PDZK1: variants seen among roughly 807,000 people sequenced by gnomAD.
The protein encoded by PDZK1 is Na(+)/H(+) exchange regulatory cofactor NHE-RF3.
In PDZK1, 23 loss-of-function variants were observed where a neutral mutation model predicts 38.1. The observed-to-expected ratio is 0.60, with a 90% CI of 0.43 to 0.85. PDZK1 has a LOEUF of 0.85. PDZK1 is among the 40% of genes least tolerant of loss of function. The pLI is 0.00. For synonymous variants in PDZK1, 98 were observed against 186.2 expected (o/e 0.53, Z 3.86); for missense variants, 297 against 504.3 (o/e 0.59, Z 3.94).
chr1:145,685,747 G>T (rs1167738345), intron 3 of PDZK1, among the ~76,000 whole-genome samples: 1 of 152,182 alleles, frequency 6.6e-6, no homozygotes, highest in East Asian at 1.9e-4. Context: ...CAGCTCCTCT[G>T]GTTCCAACCA....
intron 1 of PDZK1, among the ~76,000 whole-genome samples, chr1:145,689,318 A>C (rs587671821): frequency 1.6e-4 from 24 of 152,202 alleles, no homozygotes; most frequent in Middle Eastern, 6.8e-3. Flanking sequence ...GGCTCAAGTG[A>C]TCTTCATGCT....
At chr1:145,681,682 AC>A (rs1463383403) in intron 4 of PDZK1, among the ~76,000 whole-genome samples, 2 of 121,476 alleles carry the variant, frequency 1.6e-5, no homozygotes, top group Admixed American at 8.4e-5. Context: ...AATTCAGAAA[AC>A]CCATAAAGGT....
chr1:145,695,285 G>A (rs782080557), intron 1 of PDZK1, among the ~76,000 whole-genome samples: 9 of 152,210 alleles, frequency 5.9e-5, no homozygotes, highest in African/African-American at 1.9e-4. Context: ...AGCCAGGCGT[G>A]GTGGTGGGCA....
At chr1:145,693,145 G>A (rs1655379360) in intron 1 of PDZK1, among the ~76,000 whole-genome samples, 1 of 152,202 alleles carries the variant, frequency 6.6e-6, no homozygotes, top group Non-Finnish European at 1.5e-5. Flanking sequence ...AGAATGACAA[G>A]ATCTTCCTTC....
At chr1:145,691,664 A>C (rs1328947826) in intron 1 of PDZK1, 1 of 152,176 alleles carries the variant, frequency 6.6e-6, no homozygotes, top group Admixed American at 6.6e-5. Flanking sequence ...CAAACAGCCA[A>C]AATACATGGT....
chr1:145,692,607 A>T (rs184080354), intron 1 of PDZK1, among the ~76,000 whole-genome samples: 1 of 151,610 alleles, frequency 6.6e-6, no homozygotes, highest in Admixed American at 6.6e-5. Context: ...ACTACTCGGG[A>T]GGCTGGGGAA....
At chr1:145,706,251 T>C (rs1316842710) in intron 1 of PDZK1, among the ~76,000 whole-genome samples, 1 of 152,216 alleles carries the variant, frequency 6.6e-6, no homozygotes, top group Non-Finnish European at 1.5e-5. Flanking sequence ...AGTAGCTGCC[T>C]AGCCAGTGGT....
intron 1 of PDZK1, among the ~76,000 whole-genome samples, chr1:145,700,637 G>T (rs1342749758): frequency 6.6e-6 from 1 of 152,136 alleles, no homozygotes; most frequent in Non-Finnish European, 1.5e-5. Context: ...ACAGAAGGGG[G>T]CTGTCACCAG....
At chr1:145,693,160 C>T (rs1304883309) in intron 1 of PDZK1, among the ~76,000 whole-genome samples, 2 of 152,188 alleles carry the variant, frequency 1.3e-5, no homozygotes, top group Admixed American at 1.3e-4. Flanking sequence ...TCCTTCATCT[C>T]CTCAGTCCTA....
chr1:145,691,932 G>C (rs1207050797), intron 1 of PDZK1: 1 of 152,120 alleles, frequency 6.6e-6, no homozygotes, highest in Non-Finnish European at 1.5e-5. Flanking sequence ...GTGTTGGCTG[G>C]CAGACAGGAA....
intron 3 of PDZK1, among the ~76,000 whole-genome samples, chr1:145,685,892 C>T (rs774954364): frequency 3.8e-4 from 58 of 152,166 alleles, no homozygotes; most frequent in Non-Finnish European, 7.3e-5. Context: ...CTCAAAGATG[C>T]GCCTCAGAAC....
chr1:145,687,245 C>T lies in PDZK1; in HGVS notation c.211-519G>A, dbSNP rs782051631. ...AATGAATATAAAATTGCTGGCCGAG[C>T]GTGGTGGCTCATGCCTGTAATCACT... On this transcript the variant is annotated intron_variant, in intron 2 of 8. Transcript: ENST00000417171. Among the ~76,000 whole-genome samples the T allele has an allele frequency of 1.6e-4, 24 of 151,580 alleles. No individual in the cohort carries two copies. In the South Asian group the frequency reaches 2.1e-3, roughly 13 times the overall value.
intron 1 of PDZK1, among the ~76,000 whole-genome samples, chr1:145,700,157 T>A (rs781861892): frequency 7.2e-5 from 11 of 152,240 alleles, no homozygotes; most frequent in African/African-American, 2.4e-4. Context: ...ATTCTCTATC[T>A]ACTCAGTCCA....
chr1:145,682,928 CAG>C (rs1473797873), intron 3 of PDZK1, among the ~76,000 whole-genome samples: 2 of 152,278 alleles, frequency 1.3e-5, no homozygotes, highest in East Asian at 1.9e-4. Context: ...GGGAGTAACA[CAG>C]AGATCTACAT....
intron 5 of PDZK1, among the ~76,000 whole-genome samples, chr1:145,680,497 C>G (rs1654129254): frequency 6.6e-6 from 1 of 151,986 alleles, no homozygotes; most frequent in Admixed American, 6.6e-5. Flanking sequence ...GTGTGCTATA[C>G]TGGCTCACAC....
chr1:145,683,020 C>T (rs1413175392), intron 3 of PDZK1, among the ~76,000 whole-genome samples: 1 of 152,166 alleles, frequency 6.6e-6, no homozygotes, highest in Non-Finnish European at 1.5e-5. Context: ...CTGGATTTGC[C>T]TGCCTTGTCC....
chr1:145,672,798 T>C lies in PDZK1; in HGVS notation c.1438A>G (p.Thr480Ala). ...IVSSLADPLD[T>A]PPDSKEGIVV... ...ATTCCTTCTTTAGAATCTGGAGGGGTGTCAAGTGGATCAGCCAGGGAGGAA... is the reference window on the plus strand; with the variant it reads ...ATTCCTTCTTTAGAATCTGGAGGGGCGTCAAGTGGATCAGCCAGGGAGGAA... The change falls in exon 8 of 9, where the codon ACC becomes GCC. Residue 480 changes from threonine (T) to alanine (A), a missense_variant. Thr to Ala is a moderately conservative substitution (Grantham distance 58, BLOSUM62 0). Transcript: ENST00000417171. The C allele has an allele frequency of 6.2e-7, 1 of 1,611,716 alleles. No individual in the cohort carries two copies. Among genetic ancestry groups the C allele is most frequent in the East Asian group, 2.2e-5 (1 of 44,878 alleles).
intron 6 of PDZK1, among the ~76,000 whole-genome samples, chr1:145,677,035 C>T (rs1272102810): frequency 6.6e-6 from 1 of 152,160 alleles, no homozygotes; most frequent in Non-Finnish European, 1.5e-5. Context: ...GAAACTGAAG[C>T]ACAGAGAGAG....
chr1:145,688,154 G>A, intron 1 of PDZK1, 131 bp from the exon 2 acceptor site: 1 of 778,504 alleles, frequency 1.3e-6, no homozygotes, highest in Non-Finnish European at 2.1e-6. Context: ...AGTAATGCTG[G>A]GGGCACAGGA....
Sources: gnomAD v4.1 joint callset for allele counts (sites outside exome capture counted in the v4.1 genomes callset) on GRCh38, gnomAD v4.1.1 for gene constraint, MANE v1.5 for transcripts, NCBI Gene and HGNC (gene_info 2026-07-23, HGNC 2026-07-21) for gene names.